CDC14A: variants seen among roughly 807,000 people sequenced by gnomAD.
The protein encoded by CDC14A is dual specificity protein phosphatase CDC14A.
Under a neutral mutation model 74.4 loss-of-function variants are expected in CDC14A, and 53 were observed. The ratio of observed to expected loss-of-function variants is 0.71; its 90% CI spans 0.57 to 0.89. The LOEUF (loss-of-function observed/expected upper bound fraction) is 0.89. Ranked by LOEUF, CDC14A falls within the 40% of genes least tolerant of loss-of-function variation. The pLI, the probability that CDC14A is intolerant of heterozygous loss-of-function variation, is 0.00. For synonymous variants in CDC14A, 247 were observed against 258.4 expected (o/e 0.96, Z 0.43); for missense variants, 646 against 713.7 (o/e 0.91, Z 1.08).
intron 2 of CDC14A, among the ~76,000 whole-genome samples, chr1:100,362,533 C>T (rs1173349121): frequency 6.6e-6 from 1 of 152,084 alleles, no homozygotes; most frequent in African/African-American, 2.4e-5. Context: ...CTGTATTGAA[C>T]ATTTTTCTCT....
chr1:100,504,889 T>C, intron 15 of CDC14A: 1 of 1,535,180 alleles, frequency 6.5e-7, no homozygotes, highest in Non-Finnish European at 8.7e-7. Context: ...TTCTCATCTT[T>C]AAATAAAGAC....
At chr1:100,475,881 T>A (rs573805339) in intron 10 of CDC14A, among the ~76,000 whole-genome samples, 142 of 152,226 alleles carry the variant, frequency 9.3e-4, no homozygotes, top group African/African-American at 3.3e-3. Context: ...GGGGCCGAAA[T>A]TGGGGGATCT....
At chr1:100,369,120 A>G (rs1003817397) in intron 2 of CDC14A, among the ~76,000 whole-genome samples, 2 of 145,084 alleles carry the variant, frequency 1.4e-5, no homozygotes, top group Non-Finnish European at 3.0e-5. Context: ...CTCTGTCGCC[A>G]GGCTGGAGTG....
In CDC14A at chr1:100,484,640, GC is replaced by G. The variant is rs1433067022; in HGVS notation, c.1137+190del. 19 of 1,120,836 alleles carry G rather than the reference GC, an allele frequency of 1.7e-5. No individual in the cohort carries two copies. The South Asian group carries it at 2.2e-4, about 13-fold the overall frequency. The allele number at this position is 1,120,836 out of a possible 1,614,324, so 69.4% of individuals were successfully genotyped here. ...ACCAATTGCCCTTAAAAAAAAAAAA[GC>G]TATAATTTAAGGAGTAAATTATAAA... is the stretch of plus-strand genomic sequence containing the variant. On this transcript the variant is annotated intron_variant, in intron 11 of 15. Transcript: ENST00000336454.
intron 15 of CDC14A, among the ~76,000 whole-genome samples, chr1:100,515,775 AC>A (rs1650163735): frequency 6.6e-6 from 1 of 152,216 alleles, no homozygotes; most frequent in Non-Finnish European, 1.5e-5. Flanking sequence ...AATTTGCTGA[AC>A]CCTTTTTACT....
chr1:100,353,920 C>A, intron 2 of CDC14A, 68 bp downstream of exon 2: 1 of 839,586 alleles, frequency 1.2e-6, no homozygotes, highest in Non-Finnish European at 2.0e-6. Context: ...AAACACTATG[C>A]ACTTTTATGG....
intron 3 of CDC14A, among the ~76,000 whole-genome samples, chr1:100,389,331 G>A (rs370439961): frequency 6.6e-6 from 1 of 151,780 alleles, no homozygotes. Flanking sequence ...GGTTGTGGGT[G>A]CCTGTAGTCC....
At chr1:100,516,987 G>C (rs774740615) in intron 15 of CDC14A, among the ~76,000 whole-genome samples, 2 of 152,140 alleles carry the variant, frequency 1.3e-5, no homozygotes, top group Non-Finnish European at 2.9e-5. Context: ...AGCCTTTCCT[G>C]GTGCACGATG....
At chr1:100,433,744 T>A (rs971508420) in intron 5 of CDC14A, among the ~76,000 whole-genome samples, 3 of 152,208 alleles carry the variant, frequency 2.0e-5, no homozygotes, top group African/African-American at 7.2e-5. Context: ...ATTATTAATA[T>A]TTATAAGGTT....
intron 5 of CDC14A, among the ~76,000 whole-genome samples, chr1:100,439,248 C>G (rs78135498): frequency 0.011 from 1,717 of 152,278 alleles, 39 homozygotes; most frequent in African/African-American, 0.04. Context: ...GTTTGGAAGC[C>G]TGACTACATT....
chr1:100,411,774 A>C (rs979436108), intron 4 of CDC14A, among the ~76,000 whole-genome samples: 3 of 152,194 alleles, frequency 2.0e-5, no homozygotes, highest in Admixed American at 6.5e-5. Flanking sequence ...GTAATGGACA[A>C]GAGAGAGAAA....
chr1:100,441,130 A>G (rs1664882989), intron 6 of CDC14A, among the ~76,000 whole-genome samples: 1 of 152,232 alleles, frequency 6.6e-6, no homozygotes, highest in Non-Finnish European at 1.5e-5. Context: ...TTTGTTTTAT[A>G]ACACTTAAAA....
At chr1:100,468,333 C>T (rs1411189650) in intron 10 of CDC14A, among the ~76,000 whole-genome samples, 1 of 152,152 alleles carries the variant, frequency 6.6e-6, no homozygotes, top group Non-Finnish European at 1.5e-5. Flanking sequence ...CTCTGCCTAC[C>T]CTTTTTCTGT....
intron 4 of CDC14A, among the ~76,000 whole-genome samples, chr1:100,409,736 GGC>G (rs1660426005): frequency 6.6e-6 from 1 of 152,164 alleles, no homozygotes; most frequent in African/African-American, 2.4e-5. Flanking sequence ...GCAGTTGCAA[GGC>G]TTTCAATTTG....
Position 100,448,802 on chromosome 1 carries a change from A to G in CDC14A, c.519+5806A>G, listed in dbSNP as rs572538694. 5.9e-5 allele frequency among the ~76,000 whole-genome samples: 9 copies of G among 152,298 alleles called. No homozygotes were observed. The South Asian group carries it at 8.3e-4, about 14-fold the overall frequency. On this transcript the variant is annotated intron_variant, in intron 7 of 15. Coordinates refer to ENST00000336454, the MANE Select transcript of CDC14A (RefSeq NM_003672.4). ...ATATTAAATGCCTCATGTTTGCTCC[A>G]TATATTTGCTAGGCCCAATGTTTCT...
chr1:100,352,002 GT>G (rs1651084589), upstream of CDC14A, among the ~76,000 whole-genome samples: 1 of 144,746 alleles, frequency 6.9e-6, no homozygotes, highest in South Asian at 2.1e-4. Context: ...GTGTGTGTGT[GT>G]GCGCGCGCGC....
At chr1:100,454,532 A>T (rs1416635176) in intron 7 of CDC14A, among the ~76,000 whole-genome samples, 1 of 152,040 alleles carries the variant, frequency 6.6e-6, no homozygotes, top group African/African-American at 2.4e-5. Flanking sequence ...AATGGGGGAG[A>T]TGATGGAGCC....
intron 2 of CDC14A, among the ~76,000 whole-genome samples, chr1:100,368,190 A>T (rs1653932945): frequency 2.6e-5 from 4 of 152,198 alleles, no homozygotes; most frequent in Non-Finnish European, 4.4e-5. Context: ...CATCTTGATC[A>T]GTATTGTCCA....
chr1:100,374,074 G>T (rs1032246439), intron 2 of CDC14A, among the ~76,000 whole-genome samples: 1 of 151,948 alleles, frequency 6.6e-6, no homozygotes, highest in Non-Finnish European at 1.5e-5. Flanking sequence ...TTGTTCTTGC[G>T]ATAGTTTACT....
Sources: gnomAD v4.1 joint callset for allele counts (sites outside exome capture counted in the v4.1 genomes callset) on GRCh38, gnomAD v4.1.1 for gene constraint, MANE v1.5 for transcripts, NCBI Gene and HGNC (gene_info 2026-07-23, HGNC 2026-07-21) for gene names.